Variants in GLDC observed in about 807,000 individuals in gnomAD.
The protein encoded by GLDC is glycine decarboxylase.
GLDC carries 104 observed loss-of-function variants against 121.3 expected under a neutral mutation model. That is an observed-to-expected ratio of 0.86 (90% confidence interval 0.73 to 1.01). GLDC has a LOEUF of 1.01. Among genes scored for constraint, GLDC ranks in the 50% least tolerant of loss-of-function variants. The probability of loss-of-function intolerance (pLI) is 0.00; values close to 1 mark genes in which losing one functional copy is unlikely to be tolerated. For synonymous variants in GLDC, 546 were observed against 480.6 expected, an observed-to-expected ratio of 1.14 and a Z score of -1.78; for missense variants, 1,429 against 1,306.6, an observed-to-expected ratio of 1.09 and a Z score of -1.44.
rs557660283 is a variant in GLDC, at chr9:6,641,874, G to T, written c.334+2740C>A. On this transcript the variant is annotated intron_variant, in intron 2 of 24. Coordinates refer to ENST00000321612, the MANE Select transcript of GLDC (RefSeq NM_000170.3). The stretch of plus-strand genomic sequence containing the variant: ...ACATGGCAAATAAATATTTAATCCA[G>T]AATTCCTTTCTGACTACACTAGAAC... Among the ~76,000 whole-genome samples the T allele has an allele frequency of 2.6e-4, 39 of 152,248 alleles. No homozygotes were observed. In the East Asian group the frequency reaches 6.0e-3, roughly 23 times the overall value.
intron 3 of GLDC, among the ~76,000 whole-genome samples, chr9:6,612,066 T>C (rs1308414635): frequency 2.6e-5 from 4 of 152,092 alleles, no homozygotes; most frequent in African/African-American, 7.2e-5. Context: ...GCCTACACCA[T>C]GTATTGTGTG....
intron 2 of GLDC, among the ~76,000 whole-genome samples, chr9:6,635,371 A>G (rs1819480207): frequency 6.6e-6 from 1 of 152,136 alleles, no homozygotes; most frequent in South Asian, 2.1e-4. Flanking sequence ...CAATCCAAAA[A>G]CCAAAAGCTA....
At chr9:6,610,058 G>A in intron 4 of GLDC, 134 bp downstream of exon 4, 1 of 723,062 alleles carries the variant, frequency 1.4e-6, no homozygotes. Context: ...AACCTGTTGA[G>A]TTTTTCAGTT....
intron 21 of GLDC, among the ~76,000 whole-genome samples, chr9:6,548,175 A>C (rs995230993): frequency 1.3e-5 from 2 of 152,212 alleles, no homozygotes; most frequent in Non-Finnish European, 2.9e-5. Context: ...GAGGAGAAGA[A>C]ATACAGAAAA....
rs368403110 is a variant in GLDC at position 6,576,059 on chromosome 9, G to A, written c.1851-10630C>T. Among the ~76,000 whole-genome samples, 213 of 152,274 alleles carry A rather than the reference G, an allele frequency of 1.4e-3. 1 individual carries two copies. Among genetic ancestry groups the A allele is most frequent in the Non-Finnish European group, 2.2e-3 (152 of 68,018 alleles). On this transcript the variant is annotated intron_variant, in intron 15 of 24. Coordinates refer to ENST00000321612, the MANE Select transcript of GLDC (RefSeq NM_000170.3). The stretch of plus-strand genomic sequence containing the variant: ...CTTCAAACACCCTTGGGATCAAAAT[G>A]TCCTAAGGAACTAGGCAGACCAGTG...
rs550181033 is a variant in GLDC at position 6,558,244 on chromosome 9, G to A, written c.2052+315C>T. ...GACACGAAGATGTGTAAGTGTGACT[G>A]CCATTTTGATTATTAAGTGGGGAAG... On this transcript the variant is annotated intron_variant, in intron 17 of 24. Transcript: ENST00000321612. 2.1e-5 allele frequency: 12 copies of A among 583,570 alleles called. No individual in the cohort carries two copies. The South Asian group carries it at 2.6e-4, about 12-fold the overall frequency. 36.1% of individuals were successfully genotyped at this position (583,570 alleles called of 1,614,324 possible). A position where few individuals can be genotyped will look rare whatever the true frequency, so the allele number is the denominator to read the frequency against.
intron 11 of GLDC, among the ~76,000 whole-genome samples, chr9:6,589,777 C>A (rs1818341562): frequency 6.6e-6 from 1 of 152,110 alleles, no homozygotes; most frequent in South Asian, 2.1e-4. Flanking sequence ...AGAAAATAGG[C>A]CAGGCGCGGT....
At position 6,615,952 on chromosome 9, in the gene GLDC, G is replaced by A. The variant is rs954792314; in HGVS notation, c.470+4232C>T. Among the ~76,000 whole-genome samples the A allele has an allele frequency of 1.7e-4, 26 of 149,672 alleles. 1 individual carries two copies. On this transcript the variant is annotated intron_variant, in intron 3 of 24. Transcript: ENST00000321612. ...TTTTCTGTTGTTTGTATACAGGCTT[G>A]TGCTATGCTACCCAGGCTGGAGTGC...
rs778787964 is a variant in GLDC at position 6,602,154 on chromosome 9, T to C, written c.1110A>G (p.Gln370=). Residue 370 remains glutamine (Q), a synonymous_variant, in exon 8 of 25, where the codon CAA becomes CAG. Coordinates refer to ENST00000321612, the MANE Select transcript of GLDC (RefSeq NM_000170.3). ...TGGTAGCCTTGTCTCTCCGAATGTG[T>C]TGCTCCCTGGTTTGAAGAGCAAGAC... ...VYRLALQTRE[Q]HIRRDKATSN... 4.3e-6 allele frequency: 7 copies of C among 1,613,560 alleles called. No homozygotes were observed. The African/African-American group carries it at 9.3e-5, about 22-fold the overall frequency.
At chr9:6,628,077 G>A (rs1819282829) in intron 2 of GLDC, among the ~76,000 whole-genome samples, 1 of 152,172 alleles carries the variant, frequency 6.6e-6, no homozygotes, top group African/African-American at 2.4e-5. Context: ...AGAATCCAGT[G>A]TCTAAGTCCA....
In GLDC at chr9:6,595,155, G is replaced by A. The variant is rs575281585; in HGVS notation, c.1156-36C>T. 2.9e-5 allele frequency: 39 copies of A among 1,342,112 alleles called. No individual in the cohort carries two copies. In the East Asian group the frequency reaches 8.7e-4, roughly 30 times the overall value. The allele number at this position is 1,342,112 out of a possible 1,614,324, so 83.1% of individuals were successfully genotyped here. A position where few individuals can be genotyped will look rare whatever the true frequency, so the allele number is the denominator to read the frequency against. ...AGAACATTTAAAGAATCACGTGATG[G>A]AGGACAATTAGTGGGAGGGTGTAAT... On this transcript the variant is annotated intron_variant, in intron 8 of 24. Coordinates refer to ENST00000321612, the MANE Select transcript of GLDC (RefSeq NM_000170.3).
intron 7 of GLDC, 101 bp downstream of exon 7, chr9:6,604,487 A>C: frequency 9.1e-7 from 1 of 1,097,468 alleles, no homozygotes; most frequent in Non-Finnish European, 1.4e-6. Context: ...AACTGACTCA[A>C]CATGGCCCAG....
At chr9:6,565,610 A>C in intron 15 of GLDC, 181 bp from the exon 16 acceptor site, 1 of 678,756 alleles carries the variant, frequency 1.5e-6, no homozygotes, top group Non-Finnish European at 2.7e-6. Context: ...CAATCAAAAC[A>C]ATCAAAGCAA....
At chr9:6,604,829 C>G (rs757914356) in intron 6 of GLDC, 45 bp from the exon 7 acceptor site, 2 of 1,481,614 alleles carry the variant, frequency 1.3e-6, no homozygotes, top group Non-Finnish European at 1.9e-6. Context: ...CTACCTTTCC[C>G]TGAGAGTAGT....
chr9:6,579,890 C>T (rs142054146), intron 15 of GLDC, among the ~76,000 whole-genome samples: 23 of 152,282 alleles, frequency 1.5e-4, no homozygotes, highest in East Asian at 5.8e-4. Context: ...TTGCTGGCTA[C>T]GGCTCCATTC....
intron 2 of GLDC, among the ~76,000 whole-genome samples, chr9:6,641,002 C>T (rs1819619812): frequency 1.3e-5 from 2 of 152,194 alleles, no homozygotes; most frequent in South Asian, 4.1e-4. Context: ...GCAGGATTCA[C>T]TTGAGCAGGA....
At chr9:6,599,107 C>G (rs1438767604) in intron 8 of GLDC, among the ~76,000 whole-genome samples, 2 of 151,550 alleles carry the variant, frequency 1.3e-5, no homozygotes, top group African/African-American at 2.4e-5. Context: ...TCGCTTGAAC[C>G]CGGAAGACGG....
In GLDC at chr9:6,592,178, C is replaced by T. The variant is rs753029511; in HGVS notation, c.1447G>A (p.Asp483Asn). Residue 483 changes from aspartate (D) to asparagine (N), a missense_variant, in exon 11 of 25, where the codon GAT (aspartate) becomes AAT (asparagine). Asp to Asn is a conservative substitution (Grantham distance 23). Coordinates refer to ENST00000321612, the MANE Select transcript of GLDC (RefSeq NM_000170.3). ...DETVNEKDLD[D>N]LLWIFGCESS... ...TCACAACCAAAGATCCACAACAAAT[C>T]GTCCAGATCTTTTTCATTGACTGTT... 4.8e-5 allele frequency: 77 copies of T among 1,608,112 alleles called. 1 individual carries two copies. The South Asian group carries it at 7.9e-4, about 17-fold the overall frequency.
At chr9:6,592,093 TACC>T (rs1563850956) in intron 11 of GLDC, 47 bp downstream of exon 11, 2 of 1,136,152 alleles carry the variant, frequency 1.8e-6, no homozygotes. Flanking sequence ...CTACTTTTGC[TACC>T]ACCTCCAATA....
Sources: gnomAD v4.1 joint callset for allele counts (sites outside exome capture counted in the v4.1 genomes callset) on GRCh38, gnomAD v4.1.1 for gene constraint, MANE v1.5 for transcripts, NCBI Gene and HGNC (gene_info 2026-07-23, HGNC 2026-07-21) for gene names.